The following CCSER1 variants were observed in gnomAD, a reference collection of about 807,000 sequenced individuals.
CCSER1 encodes the protein serine-rich coiled-coil domain-containing protein 1.
CCSER1 carries 41 observed loss-of-function variants against 82.0 expected under a neutral mutation model. That is an observed-to-expected ratio of 0.50 (90% CI 0.39 to 0.65). The LOEUF is 0.65. CCSER1 is among the 30% of genes least tolerant of loss of function. The pLI, the probability that CCSER1 is intolerant of heterozygous loss-of-function variation, is 0.00. For synonymous variants in CCSER1, 414 were observed against 383.9 expected (o/e 1.08, Z -0.92); for missense variants, 1,119 against 1,064.2 (o/e 1.05, Z -0.72).
intron 10 of CCSER1, among the ~76,000 whole-genome samples, chr4:91,373,990 T>C (rs1180138452): frequency 1.3e-5 from 2 of 152,294 alleles, no homozygotes; most frequent in East Asian, 1.9e-4. Flanking sequence ...CAGAGCAAGG[T>C]TCTAACTGTC....
chr4:91,295,093 T>C (rs1214919645), intron 10 of CCSER1, among the ~76,000 whole-genome samples: 8 of 151,996 alleles, frequency 5.3e-5, no homozygotes. Context: ...TAGTGGAATA[T>C]GGCAAACCCT....
chr4:91,179,273 A>T (rs551561443), intron 10 of CCSER1, among the ~76,000 whole-genome samples: 12 of 152,184 alleles, frequency 7.9e-5, no homozygotes, highest in African/African-American at 2.9e-4. Context: ...TCTGACAGTT[A>T]TGTGTCTTGG....
At chr4:90,825,586 T>C (rs1295483628) in intron 8 of CCSER1, among the ~76,000 whole-genome samples, 1 of 152,142 alleles carries the variant, frequency 6.6e-6, no homozygotes, top group Non-Finnish European at 1.5e-5. Context: ...AAAACAAAAT[T>C]ACAGCAAATT....
intron 10 of CCSER1, among the ~76,000 whole-genome samples, chr4:91,104,853 G>A (rs748280486): frequency 7.2e-5 from 11 of 151,938 alleles, no homozygotes; most frequent in Admixed American, 6.6e-4. Context: ...TCCTAATAAG[G>A]GCAATAATCA....
chr4:91,438,473 A>G (rs370772288), intron 10 of CCSER1, among the ~76,000 whole-genome samples: 11 of 152,016 alleles, frequency 7.2e-5, no homozygotes, highest in African/African-American at 2.7e-4. Context: ...CACACCAAAA[A>G]CCCATCTGTA....
chr4:91,384,367 T>G (rs987006783), intron 10 of CCSER1, among the ~76,000 whole-genome samples: 1 of 151,750 alleles, frequency 6.6e-6, no homozygotes, highest in East Asian at 1.9e-4. Context: ...AACACACTGA[T>G]AAATGAGCGT....
chr4:90,486,199 A>G (rs1027284839), intron 5 of CCSER1, among the ~76,000 whole-genome samples: 1 of 152,196 alleles, frequency 6.6e-6, no homozygotes, highest in Non-Finnish European at 1.5e-5. Flanking sequence ...GAAAATTATA[A>G]TCAATTCTTT....
At chr4:91,363,278 T>A (rs2149314860) in intron 10 of CCSER1, among the ~76,000 whole-genome samples, 1 of 151,796 alleles carries the variant, frequency 6.6e-6, no homozygotes, top group Non-Finnish European at 1.5e-5. Context: ...TCTAGCAGAT[T>A]AATTCATAAT....
chr4:90,444,210 C>A (rs1760300748), intron 4 of CCSER1, among the ~76,000 whole-genome samples: 1 of 151,986 alleles, frequency 6.6e-6, no homozygotes, highest in Non-Finnish European at 1.5e-5. Flanking sequence ...AAATAAGTTA[C>A]TTTAAAAGCC....
chr4:90,666,200 T>G (rs1196861304), intron 6 of CCSER1, among the ~76,000 whole-genome samples: 1 of 152,070 alleles, frequency 6.6e-6, no homozygotes, highest in Non-Finnish European at 1.5e-5. Flanking sequence ...GTTTATATGA[T>G]TATATTAAGT....
At chr4:90,848,592 A>G (rs1284028791) in intron 8 of CCSER1, among the ~76,000 whole-genome samples, 1 of 152,114 alleles carries the variant, frequency 6.6e-6, no homozygotes, top group Non-Finnish European at 1.5e-5. Flanking sequence ...AACTCATTTT[A>G]GTTACTCAGA....
chr4:91,177,869 G>A (rs1323298001), intron 10 of CCSER1, among the ~76,000 whole-genome samples: 1 of 152,112 alleles, frequency 6.6e-6, no homozygotes, highest in Non-Finnish European at 1.5e-5. Flanking sequence ...GAAGGTGTTT[G>A]CTCTTGCTTC....
At chr4:91,089,437 G>C (rs1723716641) in intron 10 of CCSER1, among the ~76,000 whole-genome samples, 1 of 152,132 alleles carries the variant, frequency 6.6e-6, no homozygotes, top group South Asian at 2.1e-4. Flanking sequence ...AGCAGGTACT[G>C]AATATAAAAC....
At chr4:90,384,145 A>AT (rs566449813) in intron 3 of CCSER1, among the ~76,000 whole-genome samples, 1 of 151,150 alleles carries the variant, frequency 6.6e-6, no homozygotes, top group South Asian at 2.1e-4. Flanking sequence ...ATTTTATTTT[A>AT]TTTTTTTAAT....
intron 10 of CCSER1, among the ~76,000 whole-genome samples, chr4:91,345,502 ACTTTT>A (rs1007987521): frequency 1.1e-4 from 16 of 152,124 alleles, no homozygotes; most frequent in African/African-American, 1.9e-4. Flanking sequence ...AACAAATTGG[ACTTTT>A]CTTTTTTAAT....
At chr4:91,155,043 A>AG (rs1350321077) in intron 10 of CCSER1, among the ~76,000 whole-genome samples, 1 of 151,364 alleles carries the variant, frequency 6.6e-6, no homozygotes. Context: ...TTAAAAAAAA[A>AG]AATCCTAAAA....
chr4:91,255,516 T>C (rs966525015), intron 10 of CCSER1, among the ~76,000 whole-genome samples: 4 of 152,174 alleles, frequency 2.6e-5, no homozygotes, highest in African/African-American at 9.7e-5. Context: ...TCACAAAAAC[T>C]GAGTTCATGA....
chr4:91,546,027 T>A (rs1761872328), intron 10 of CCSER1, among the ~76,000 whole-genome samples: 1 of 152,120 alleles, frequency 6.6e-6, no homozygotes, highest in South Asian at 2.1e-4. Context: ...TTTTTCTGCA[T>A]CTATTGATAT....
At chr4:90,914,761 C>A (rs976398082) in intron 8 of CCSER1, among the ~76,000 whole-genome samples, 1 of 141,986 alleles carries the variant, frequency 7.0e-6, no homozygotes, top group Non-Finnish European at 1.5e-5. Flanking sequence ...AATTGATAGA[C>A]CACTAGCAAT....
Sources: allele counts gnomAD v4.1 joint callset (sites outside exome capture counted in the v4.1 genomes callset), GRCh38; gene constraint gnomAD v4.1.1; transcripts MANE v1.5; gene names NCBI Gene and HGNC (gene_info 2026-07-23, HGNC 2026-07-21).